The following MVB12B variants were observed in gnomAD, a reference collection of about 807,000 sequenced individuals.
MVB12B encodes ESCRT-I complex subunit MVB12B.
A neutral mutation model predicts 41.6 loss-of-function variants in MVB12B; 16 were observed. The observed-to-expected ratio is 0.38, with a 90% CI of 0.26 to 0.58. The LOEUF is 0.58. Among genes scored for constraint, MVB12B ranks in the 20% least tolerant of loss-of-function variants. The pLI is 0.62. For missense variants in MVB12B, 274 were observed against 380.2 expected (o/e 0.72, Z 2.32); for synonymous variants, 133 against 139.7 (o/e 0.95, Z 0.34).
At chr9:126,410,515 A>G (rs1831612894) in intron 6 of MVB12B, among the ~76,000 whole-genome samples, 1 of 152,154 alleles carries the variant, frequency 6.6e-6, no homozygotes, top group African/African-American at 2.4e-5. Context: ...TATGAACATG[A>G]GGAATGGTGC....
At chr9:126,382,915 A>T (rs1295753007) in intron 3 of MVB12B, among the ~76,000 whole-genome samples, 1 of 152,210 alleles carries the variant, frequency 6.6e-6, no homozygotes, top group Admixed American at 6.5e-5. Context: ...GTTGAACATT[A>T]AAAAGATATT....
At chr9:126,401,830 G>T (rs139354690) in intron 6 of MVB12B, among the ~76,000 whole-genome samples, 1 of 151,050 alleles carries the variant, frequency 6.6e-6, no homozygotes, top group Non-Finnish European at 1.5e-5. Flanking sequence ...TAAGTCAGCA[G>T]TTGGGGCGGA....
At chr9:126,446,291 T>A (rs1392664162) in intron 7 of MVB12B, among the ~76,000 whole-genome samples, 1 of 152,172 alleles carries the variant, frequency 6.6e-6, no homozygotes, top group Non-Finnish European at 1.5e-5. Context: ...AAAGTTATTG[T>A]TATATTTCTG....
intron 2 of MVB12B, among the ~76,000 whole-genome samples, chr9:126,369,528 C>T (rs1427475563): frequency 6.6e-6 from 1 of 152,212 alleles, no homozygotes; most frequent in African/African-American, 2.4e-5. Flanking sequence ...TCCAGAGTCT[C>T]TACTGCTCTG....
intron 1 of MVB12B, chr9:126,327,355 C>T: frequency 1.0e-6 from 1 of 982,584 alleles, no homozygotes; most frequent in Non-Finnish European, 1.2e-6. Context: ...CACCTGGGCA[C>T]AGACTGGGAA....
At chr9:126,438,905 G>C (rs1017710182) in intron 7 of MVB12B, among the ~76,000 whole-genome samples, 1 of 152,058 alleles carries the variant, frequency 6.6e-6, no homozygotes, top group Non-Finnish European at 1.5e-5. Flanking sequence ...ATTTTAAGTA[G>C]AGTTGAATCC....
At chr9:126,408,663 G>A (rs920620826) in intron 6 of MVB12B, among the ~76,000 whole-genome samples, 1 of 151,974 alleles carries the variant, frequency 6.6e-6, no homozygotes, top group Non-Finnish European at 1.5e-5. Flanking sequence ...AAGGTCTCTG[G>A]ACCTACCGTG....
At chr9:126,481,832 A>G (rs1833529167) in intron 8 of MVB12B, among the ~76,000 whole-genome samples, 1 of 152,238 alleles carries the variant, frequency 6.6e-6, no homozygotes, top group Non-Finnish European at 1.5e-5. Context: ...AGTCCAACTT[A>G]GTAAGTTTTG....
chr9:126,458,339 C>T (rs1389677241), intron 7 of MVB12B, among the ~76,000 whole-genome samples: 1 of 152,212 alleles, frequency 6.6e-6, no homozygotes, highest in African/African-American at 2.4e-5. Context: ...CCACACCACA[C>T]GTTTGTGTGT....
intron 2 of MVB12B, among the ~76,000 whole-genome samples, chr9:126,353,185 T>A (rs1370320660): frequency 6.6e-6 from 1 of 152,200 alleles, no homozygotes; most frequent in East Asian, 1.9e-4. Context: ...GTTCTTGAAG[T>A]AGGCAGACAT....
Position 126,333,843 on chromosome 9 carries a change from TTCCATCCATCCATCCATCCA to T in MVB12B, c.82-6639_82-6620del, listed in dbSNP as rs59801697. Among the ~76,000 whole-genome samples, 29,411 of 149,736 alleles carry T rather than the reference TTCCATCCATCCATCCATCCA, an allele frequency of 0.2. 2,974 individuals are homozygous for T. Among genetic ancestry groups the T allele is most frequent in the Middle Eastern group, 0.25 (72 of 290 alleles). ...CCATGGAAGATTACCTTTAGGTTCATTCCATCCATCCATCCATCCATCCATCCATCCATCCATCCATCCAT... is the reference window on the plus strand; with the variant it reads ...CCATGGAAGATTACCTTTAGGTTCATTCCATCCATCCATCCATCCATCCAT... On this transcript the variant is annotated intron_variant, in intron 1 of 9. Transcript: ENST00000361171. This position sits in a 1 kb window ranked among gnomAD's most constrained non-coding sequence, Gnocchi z 4.7.
chr9:126,425,242 T>C (rs999529533), intron 7 of MVB12B, among the ~76,000 whole-genome samples: 2 of 152,178 alleles, frequency 1.3e-5, no homozygotes, highest in African/African-American at 2.4e-5. Context: ...CCTTTGGAAA[T>C]AGCCGTGCAC....
At position 126,340,675 on chromosome 9, in the gene MVB12B, A is replaced by C; in HGVS notation, c.204+45A>C. ...TGTACATTTTGCTCACTGATTCTAC[A>C]AGTATTTATCTCCTGTGTCCAAGAC... On this transcript the variant is annotated intron_variant, in intron 2 of 9. Transcript: ENST00000361171. This position sits in a 1 kb window ranked among gnomAD's most constrained non-coding sequence, Gnocchi z 4.0. The C allele has an allele frequency of 6.2e-7, 1 of 1,603,746 alleles. No individual in the cohort carries two copies.
In MVB12B at chr9:126,436,825, C is replaced by T. The variant is rs753111164; in HGVS notation, c.757+14877C>T. Among the ~76,000 whole-genome samples, 17 of 152,154 alleles carry T rather than the reference C, an allele frequency of 1.1e-4. No individual in the cohort carries two copies. The highest frequency in any genetic ancestry group is 1.8e-4 in the Non-Finnish European group (12 of 68,024). On this transcript the variant is annotated intron_variant, in intron 7 of 9. Coordinates refer to ENST00000361171, the MANE Select transcript of MVB12B (RefSeq NM_033446.3). The surrounding 1 kb of genome is among the most constrained non-coding windows in gnomAD (Gnocchi z 4.1). The stretch of plus-strand genomic sequence containing the variant: ...CCTTCCTGGGTCAATTTTTTAAAAG[C>T]GAATTGCTCACAACATTTGCTTTCT...
chr9:126,396,265 AGTCATAACAGAG>A lies in MVB12B; in HGVS notation c.662+571_662+582del, dbSNP rs758421705. On this transcript the variant is annotated intron_variant, in intron 6 of 9. Transcript: ENST00000361171. ...AACTGTTTGCTCTGCAACTGATTTCAGTCATAACAGAGGTAGTAACAGTCTCTACACTTTCTG... is the reference window on the plus strand; with the variant it reads ...AACTGTTTGCTCTGCAACTGATTTCAGTAGTAACAGTCTCTACACTTTCTG... 3,471 of 986,822 alleles carry A rather than the reference AGTCATAACAGAG, an allele frequency of 3.5e-3. 7 individuals carry two copies. Among genetic ancestry groups the A allele is most frequent in the Non-Finnish European group, 4.0e-3 (3,350 of 830,802 alleles). The allele number at this position is 986,822 out of a possible 1,614,324, so 61.1% of individuals were successfully genotyped here. A position where few individuals can be genotyped will look rare whatever the true frequency, so the allele number is the denominator to read the frequency against.
rs1833236545 is a variant in MVB12B, at chr9:126,468,201, T to TC, written c.758-13167dup. ...TCTCACCATGTTCCAGAATATTTCA[T>TC]CTTCTCTCATGGTCTCAATTATCAC... is the stretch of plus-strand genomic sequence containing the variant. On this transcript the variant is annotated intron_variant, in intron 7 of 9. Transcript: ENST00000361171. This position sits in a 1 kb window ranked among gnomAD's most constrained non-coding sequence, Gnocchi z 4.3. Among the ~76,000 whole-genome samples, 1 of 152,172 alleles carries TC rather than the reference T, an allele frequency of 6.6e-6. No homozygotes were observed. Among genetic ancestry groups the TC allele is most frequent in the Non-Finnish European group, 1.5e-5 (1 of 68,020 alleles).
chr9:126,342,757 A>T (rs892248773), intron 2 of MVB12B, among the ~76,000 whole-genome samples: 4 of 152,124 alleles, frequency 2.6e-5, no homozygotes, highest in African/African-American at 9.7e-5. Flanking sequence ...GAAGGCGGGG[A>T]GGGCATGGTG....
intron 1 of MVB12B, among the ~76,000 whole-genome samples, chr9:126,332,506 C>A (rs148188064): frequency 6.6e-6 from 1 of 152,208 alleles, no homozygotes; most frequent in African/African-American, 2.4e-5. Context: ...CCTGGCTGCA[C>A]TGAGTTAGAT....
intron 2 of MVB12B, among the ~76,000 whole-genome samples, chr9:126,360,606 AT>A (rs1830004695): frequency 6.6e-6 from 1 of 152,176 alleles, no homozygotes; most frequent in South Asian, 2.1e-4. Context: ...GGTTGATAGT[AT>A]TGTTCAAGTT....
Sources: gnomAD v4.1 joint callset for allele counts (sites outside exome capture counted in the v4.1 genomes callset) on GRCh38, gnomAD v4.1.1 for gene constraint, Gnocchi (gnomAD v3.1) non-coding constraint, MANE v1.5 for transcripts, NCBI Gene and HGNC (gene_info 2026-07-23, HGNC 2026-07-21) for gene names.